C12orf43: variants seen among roughly 807,000 people sequenced by gnomAD.
C12orf43 encodes the protein protein CUSTOS.
Under a neutral mutation model 20.6 loss-of-function variants are expected in C12orf43, and 15 were observed. The observed-to-expected ratio is 0.73, with a 90% CI of 0.49 to 1.12. The LOEUF is 1.12. Among genes scored for constraint, C12orf43 ranks in the 50% most tolerant of loss-of-function variants. The pLI is 0.00. For missense variants in C12orf43, 334 were observed against 344.4 expected, an observed-to-expected ratio of 0.97 and a Z score of 0.24; for synonymous variants, 144 against 130.8, an observed-to-expected ratio of 1.10 and a Z score of -0.69.
At position 121,005,223 on chromosome 12, in the gene C12orf43, G is replaced by C; in HGVS notation, c.362-130C>G. The C allele has an allele frequency of 8.6e-6, 4 of 467,374 alleles. No individual in the cohort carries two copies. Among genetic ancestry groups the C allele is most frequent in the Non-Finnish European group, 1.4e-5 (4 of 293,960 alleles). 29.0% of individuals were successfully genotyped at this position (467,374 alleles called of 1,614,324 possible). ...AAACGAAAGAAAGAAAAGATAAAGA[G>C]AAACAAAAAAAAAATTTTAAGAAGA... On this transcript the variant is annotated intron_variant, in intron 4 of 5. Transcript: ENST00000288757. The surrounding 1 kb of genome is among the most constrained non-coding windows in gnomAD (Gnocchi z 5.6).
In C12orf43 at chr12:121,001,813, C is replaced by T. The variant is rs1026422272; in HGVS notation, c.*2340G>A. ...CTCTAACGCCTGAGCCCAGGGAGGC[C>T]GAAGCTAACAGGGAAGGCAGGCAGG... On this transcript the variant is annotated 3_prime_UTR_variant, in exon 6 of 6. Transcript: ENST00000288757. The T allele has an allele frequency of 8.0e-5, 43 of 535,310 alleles. No individual in the cohort carries two copies. The highest frequency in any genetic ancestry group is 5.8e-4 in the Admixed American group (26 of 44,812). 33.2% of individuals were successfully genotyped at this position (535,310 alleles called of 1,614,324 possible).
rs191093095 is a variant in C12orf43, at chr12:121,012,774, C to T, written c.146-1628G>A. 142 of 245,752 alleles carry T rather than the reference C, an allele frequency of 5.8e-4. 1 individual carries two copies. Among genetic ancestry groups the T allele is most frequent in the African/African-American group, 3.2e-3 (136 of 42,594 alleles). The allele number at this position is 245,752 out of a possible 1,614,324, so 15.2% of individuals were successfully genotyped here. The stretch of plus-strand genomic sequence containing the variant: ...AGCTGAGGCAGGAGAATCGCTCGAA[C>T]CCAGGAGGCGGAGGTTGCAGTGAGC... On this transcript the variant is annotated intron_variant, in intron 1 of 5. Coordinates refer to ENST00000288757, the MANE Select transcript of C12orf43 (RefSeq NM_022895.3).
rs184005199 is a variant in C12orf43 at position 121,006,750 on chromosome 12, A to G, written c.288-356T>C. 6.2e-4 allele frequency: 131 copies of G among 209,708 alleles called. 1 individual carries two copies. Among genetic ancestry groups the G allele is most frequent in the South Asian group, 2.0e-3 (27 of 13,442 alleles). The allele number at this position is 209,708 out of a possible 1,614,324, so 13.0% of individuals were successfully genotyped here. A position where few individuals can be genotyped will look rare whatever the true frequency, so the allele number is the denominator to read the frequency against. On this transcript the variant is annotated intron_variant, in intron 3 of 5. Transcript: ENST00000288757. ...CAGGAGATCGAGACCATTCTGGCTA[A>G]CACGGTGAAACCCCATCTCTACTAA... is the stretch of plus-strand genomic sequence containing the variant.
At chr12:121,012,867 A>AAAAAAAAAAAAAAG (rs1868521793) in intron 1 of C12orf43, among the ~76,000 whole-genome samples, 1 of 131,654 alleles carries the variant, frequency 7.6e-6, no homozygotes, top group Non-Finnish European at 1.7e-5. Flanking sequence ...AAAAAAAAAA[A>AAAAAAAAAAAAAAG]AAAAAAAGAT....
chr12:121,004,172 G>A lies in C12orf43; in HGVS notation c.770C>T (p.Thr257Ile), dbSNP rs1306193652. The A allele has an allele frequency of 3.1e-6, 5 of 1,614,238 alleles. No homozygotes were observed. The Admixed American group carries it at 6.7e-5, about 22-fold the overall frequency. ...TSPFPPAKSATAIPAN is the reference protein window; with the variant it reads ...TSPFPPAKSAIAIPAN ...CTGGGTTCAGTTTGCAGGTATAGCT[G>A]TAGCACTCTTTGCTGGTGGGAATGG... Residue 257 changes from threonine to isoleucine, a missense_variant, in exon 6 of 6, where the codon ACA (threonine) becomes ATA (isoleucine). Transcript: ENST00000288757. The surrounding 1 kb of genome is among the most constrained non-coding windows in gnomAD (Gnocchi z 5.6).
At position 121,001,495 on chromosome 12, in the gene C12orf43, AG is replaced by A; in HGVS notation, c.*2657del. ...ATACAGTCTTCTTACTTGGAACTGAAGGGGGCGGCCTATGACTTGGGCACCC... is the reference window on the plus strand; with the variant it reads ...ATACAGTCTTCTTACTTGGAACTGAAGGGGCGGCCTATGACTTGGGCACCC... On this transcript the variant is annotated 3_prime_UTR_variant, in exon 6 of 6. Transcript: ENST00000288757. 1 of 467,704 alleles carries A rather than the reference AG, an allele frequency of 2.1e-6. No homozygotes were observed. The highest frequency in any genetic ancestry group is 2.1e-5 in the South Asian group (1 of 48,032). The allele number at this position is 467,704 out of a possible 1,614,324, so 29.0% of individuals were successfully genotyped here.
chr12:121,014,116 T>C (rs1001973074), intron 1 of C12orf43, among the ~76,000 whole-genome samples: 26 of 151,874 alleles, frequency 1.7e-4, no homozygotes, highest in Non-Finnish European at 3.4e-4. Flanking sequence ...TCACCTGAGG[T>C]CATAAGTTCG....
Position 121,012,303 on chromosome 12 carries a change from G to A in C12orf43, c.146-1157C>T, listed in dbSNP as rs1016063263. ...GTGACCAGAGCCTGCCCAGTAAACCGGGAGCAGCAGAGATGGAGAACTCAG... is the reference window on the plus strand; with the variant it reads ...GTGACCAGAGCCTGCCCAGTAAACCAGGAGCAGCAGAGATGGAGAACTCAG... On this transcript the variant is annotated intron_variant, in intron 1 of 5. Coordinates refer to ENST00000288757, the MANE Select transcript of C12orf43 (RefSeq NM_022895.3). 2.9e-5 allele frequency: 20 copies of A among 682,984 alleles called. 1 individual carries two copies. The highest frequency in any genetic ancestry group is 1.2e-4 in the African/African-American group (7 of 56,600). The allele number at this position is 682,984 out of a possible 1,614,324, so 42.3% of individuals were successfully genotyped here. A position where few individuals can be genotyped will look rare whatever the true frequency, so the allele number is the denominator to read the frequency against.
rs1176572996 is a variant in C12orf43, at chr12:121,016,393, C to T, written c.82G>A (p.Glu28Lys). The change falls in exon 1 of 6, where the codon GAG (glutamate) becomes AAG (lysine). Residue 28 changes from glutamate (E) to lysine (K), a missense_variant. Glu to Lys is a moderately conservative substitution (Grantham distance 56, BLOSUM62 1). Coordinates refer to ENST00000288757, the MANE Select transcript of C12orf43 (RefSeq NM_022895.3). ...AAGCCCCAAGCCGGCATTGCCGCCT[C>T]GCGGCACCGCTCCAGCTCCTCCGCA... Reference protein sequence around the residue: ...SDAEELERCREAAMPAWGLEQ... With the variant: ...SDAEELERCRKAAMPAWGLEQ... The T allele has an allele frequency of 6.2e-7, 1 of 1,613,838 alleles. No individual in the cohort carries two copies. Among genetic ancestry groups the T allele is most frequent in the Non-Finnish European group, 8.5e-7 (1 of 1,180,050 alleles).
rs528766217 is a variant in C12orf43 at position 121,000,628 on chromosome 12, C to T, written c.*3525G>A. ...AGGCAGAATTCCTTCTCTGGGAAAC[C>T]GGTTTTTGCTCTTACGGCCTTCCAC... is the stretch of plus-strand genomic sequence containing the variant. On this transcript the variant is annotated 3_prime_UTR_variant, in exon 6 of 6. Coordinates refer to ENST00000288757, the MANE Select transcript of C12orf43 (RefSeq NM_022895.3). 25 of 231,870 alleles carry T rather than the reference C, an allele frequency of 1.1e-4. No homozygotes were observed. The highest frequency in any genetic ancestry group is 1.4e-4 in the Non-Finnish European group (16 of 115,730). The allele number at this position is 231,870 out of a possible 1,614,324, so 14.4% of individuals were successfully genotyped here.
Position 121,002,609 on chromosome 12 carries a change from ACCCAC to A in C12orf43, c.*1539_*1543del. 1 of 365,050 alleles carries A rather than the reference ACCCAC, an allele frequency of 2.7e-6. No individual in the cohort carries two copies. Among genetic ancestry groups the A allele is most frequent in the East Asian group, 7.9e-5 (1 of 12,722 alleles). The allele number at this position is 365,050 out of a possible 1,614,324, so 22.6% of individuals were successfully genotyped here. On this transcript the variant is annotated 3_prime_UTR_variant, in exon 6 of 6. Coordinates refer to ENST00000288757, the MANE Select transcript of C12orf43 (RefSeq NM_022895.3). ...CTGCGAAGAGGAGACAGGCTCCAGCACCCACGCTCTCACACCCCACATCTCTGCTT... is the reference window on the plus strand; with the variant it reads ...CTGCGAAGAGGAGACAGGCTCCAGCAGCTCTCACACCCCACATCTCTGCTT...
intron 1 of C12orf43, among the ~76,000 whole-genome samples, chr12:121,015,842 A>C (rs55811663): frequency 0.042 from 6,322 of 152,294 alleles, 171 homozygotes; most frequent in South Asian, 0.093. Flanking sequence ...ACATGTTTTC[A>C]TTCCAAATTC....
At chr12:121,011,962 A>G (rs1031546421) in intron 1 of C12orf43, among the ~76,000 whole-genome samples, 2 of 152,208 alleles carry the variant, frequency 1.3e-5, no homozygotes, top group Non-Finnish European at 2.9e-5. Flanking sequence ...AGGAGCTTAC[A>G]TTCTAGTTGG....
Position 121,005,543 on chromosome 12 carries a change from CA to C in C12orf43, c.362-451del, listed in dbSNP as rs999661783. 1.1e-4 allele frequency among the ~76,000 whole-genome samples: 17 copies of C among 152,380 alleles called. 1 individual carries two copies. The highest frequency in any genetic ancestry group is 4.6e-4 in the Admixed American group (7 of 15,308). ...GGAGCCAGCAGCCACATCAGCTCAG[CA>C]AGCCCTCAGAGGCTTCTGGAAGTCA... On this transcript the variant is annotated intron_variant, in intron 4 of 5. Coordinates refer to ENST00000288757, the MANE Select transcript of C12orf43 (RefSeq NM_022895.3). This position sits in a 1 kb window ranked among gnomAD's most constrained non-coding sequence, Gnocchi z 5.6.
intron 4 of C12orf43, 98 bp downstream of exon 4, chr12:121,006,220 AAAG>A (rs369076214): frequency 0.099 from 76,459 of 768,704 alleles, 1,931 homozygotes; most frequent in South Asian, 0.21. Context: ...TATCTCAAAA[AAAG>A]AAAAAAAAAA....
intron 3 of C12orf43, among the ~76,000 whole-genome samples, chr12:121,009,013 T>C (rs1460651307): frequency 6.6e-6 from 1 of 152,244 alleles, no homozygotes; most frequent in East Asian, 1.9e-4. Context: ...TGGCTTGCAG[T>C]CTGCAAGGAC....
rs1868949409 is a variant in C12orf43 at position 121,016,479 on chromosome 12, AAC to A, written c.-7_-6del. 2 of 1,613,964 alleles carry A rather than the reference AAC, an allele frequency of 1.2e-6. No homozygotes were observed. The highest frequency in any genetic ancestry group is 1.7e-6 in the Non-Finnish European group (2 of 1,180,014). On this transcript the variant is annotated 5_prime_UTR_variant, in exon 1 of 6. Transcript: ENST00000288757. ...TGTGCCACTGGGCGCCGCCATCTTG[AAC>A]CACCGCAAAGGATTGTGGAGAACAC... is the stretch of plus-strand genomic sequence containing the variant.
Position 121,002,119 on chromosome 12 carries a change from G to A in C12orf43, c.*2034C>T, listed in dbSNP as rs957765531. The stretch of plus-strand genomic sequence containing the variant: ...GTAGCTGAGCTCACAAGGCAGCAAG[G>A]CCCGAGCAGCTGAGCAGGGCCGGGG... On this transcript the variant is annotated 3_prime_UTR_variant, in exon 6 of 6. Transcript: ENST00000288757. 1 of 530,696 alleles carries A rather than the reference G, an allele frequency of 1.9e-6. No individual in the cohort carries two copies. 32.9% of individuals were successfully genotyped at this position (530,696 alleles called of 1,614,324 possible). A position where few individuals can be genotyped will look rare whatever the true frequency, so the allele number is the denominator to read the frequency against.
chr12:121,016,150 A>T, intron 1 of C12orf43, 180 bp downstream of exon 1: 1 of 947,230 alleles, frequency 1.1e-6, no homozygotes, highest in Non-Finnish European at 1.6e-6. Context: ...CGACTGGAAT[A>T]ATGAAATACC....
Sources: gnomAD v4.1 joint callset for allele counts (sites outside exome capture counted in the v4.1 genomes callset) on GRCh38, gnomAD v4.1.1 for gene constraint, Gnocchi (gnomAD v3.1) non-coding constraint, MANE v1.5 for transcripts, NCBI Gene and HGNC (gene_info 2026-07-23, HGNC 2026-07-21) for gene names.